WDR70: variants seen among roughly 807,000 people sequenced by gnomAD.
WDR70 encodes the protein WD repeat domain 70.
Under a neutral mutation model 88.6 loss-of-function variants are expected in WDR70, and 53 were observed. The observed-to-expected ratio is 0.60, with a 90% confidence interval of 0.48 to 0.75. The LOEUF is 0.75. WDR70 is among the 30% of genes least tolerant of loss of function. The pLI, the probability that WDR70 is intolerant of heterozygous loss-of-function variation, is 0.00. For missense variants in WDR70, 610 were observed against 823.2 expected, an observed-to-expected ratio of 0.74 and a Z score of 3.17; for synonymous variants, 280 against 270.0, an observed-to-expected ratio of 1.04 and a Z score of -0.36.
chr5:37,379,335 C>G lies in WDR70; in HGVS notation c.-33C>G, dbSNP rs753841669. 1.2e-6 allele frequency: 2 copies of G among 1,613,286 alleles called. No individual in the cohort carries two copies. The highest frequency in any genetic ancestry group is 1.1e-5 in the South Asian group (1 of 91,044). ...GTTCCCCTGCAGTTGTTTGGGCTGT[C>G]CCTGTGGCTGGTTCTGGGGTGTGCG... On this transcript the variant is annotated 5_prime_UTR_variant, in exon 1 of 18. Coordinates refer to ENST00000265107, the MANE Select transcript of WDR70 (RefSeq NM_018034.4).
At chr5:37,577,447 G>C (rs1035318826) in intron 9 of WDR70, among the ~76,000 whole-genome samples, 3 of 152,068 alleles carry the variant, frequency 2.0e-5, no homozygotes, top group African/African-American at 7.2e-5. Flanking sequence ...ATGCACTCCA[G>C]CTTGGGTGAC....
At chr5:37,436,440 A>G (rs1368368309) in intron 5 of WDR70, among the ~76,000 whole-genome samples, 1 of 152,130 alleles carries the variant, frequency 6.6e-6, no homozygotes, top group Non-Finnish European at 1.5e-5. Context: ...CTTTTTCTGT[A>G]GGCTATTTCC....
intron 6 of WDR70, among the ~76,000 whole-genome samples, chr5:37,441,127 T>C (rs1202512150): frequency 6.6e-6 from 1 of 152,188 alleles, no homozygotes; most frequent in Non-Finnish European, 1.5e-5. Flanking sequence ...GGAGGAGAAA[T>C]AACTTTTAAA....
chr5:37,396,057 T>C (rs370904740), intron 4 of WDR70, among the ~76,000 whole-genome samples: 1 of 152,310 alleles, frequency 6.6e-6, no homozygotes, highest in East Asian at 1.9e-4. Context: ...CCTTGGTCCC[T>C]GAAAGTGCTG....
intron 5 of WDR70, among the ~76,000 whole-genome samples, chr5:37,413,110 A>G (rs1749574997): frequency 6.6e-6 from 1 of 152,186 alleles, no homozygotes; most frequent in Non-Finnish European, 1.5e-5. Context: ...CTGCAAGGTT[A>G]TGTCAGCAGA....
At chr5:37,615,853 C>G (rs985878899) in intron 10 of WDR70, among the ~76,000 whole-genome samples, 13 of 152,190 alleles carry the variant, frequency 8.5e-5, no homozygotes, top group African/African-American at 3.1e-4. Context: ...TAGTGTTTCT[C>G]ACACTCACTC....
At chr5:37,669,202 T>C (rs1462891991) in intron 10 of WDR70, among the ~76,000 whole-genome samples, 2 of 152,154 alleles carry the variant, frequency 1.3e-5, no homozygotes, top group South Asian at 2.1e-4. Context: ...TCTCAGTAAA[T>C]GTTGTTGACA....
At position 37,486,703 on chromosome 5, in the gene WDR70, G is replaced by C. The variant is rs556828948; in HGVS notation, c.840+6716G>C. Among the ~76,000 whole-genome samples, 8 of 151,742 alleles carry C rather than the reference G, an allele frequency of 5.3e-5. No homozygotes were observed. In the East Asian group the frequency reaches 5.8e-4, roughly 11 times the overall value. ...TGAGATGGTATGCCATTGTGGTTTTGATTTGCATTTCTCTAATGATCAGTG... is the reference window on the plus strand; with the variant it reads ...TGAGATGGTATGCCATTGTGGTTTTCATTTGCATTTCTCTAATGATCAGTG... On this transcript the variant is annotated intron_variant, in intron 8 of 17. Transcript: ENST00000265107.
intron 10 of WDR70, among the ~76,000 whole-genome samples, chr5:37,610,765 G>C (rs553196811): frequency 5.9e-5 from 9 of 152,176 alleles, no homozygotes; most frequent in Non-Finnish European, 1.3e-4. Flanking sequence ...AGGGAAGGCA[G>C]AGGTCAGGTG....
intron 10 of WDR70, among the ~76,000 whole-genome samples, chr5:37,621,305 TA>T (rs1170637776): frequency 6.6e-6 from 1 of 152,142 alleles, no homozygotes; most frequent in East Asian, 1.9e-4. Context: ...TCCAAATAAT[TA>T]AAAAATTTGA....
At chr5:37,625,834 A>G (rs1354392621) in intron 10 of WDR70, among the ~76,000 whole-genome samples, 2 of 151,960 alleles carry the variant, frequency 1.3e-5, no homozygotes, top group African/African-American at 4.8e-5. Context: ...CAGCCTGCCC[A>G]TATTTTAATT....
chr5:37,617,780 TTTCA>T (rs1213328953), intron 10 of WDR70, among the ~76,000 whole-genome samples: 5 of 152,228 alleles, frequency 3.3e-5, no homozygotes, highest in Non-Finnish European at 7.3e-5. Context: ...AAATCCTAGC[TTTCA>T]TAGTCTAATT....
At chr5:37,471,832 A>T (rs1035717933) in intron 7 of WDR70, among the ~76,000 whole-genome samples, 1 of 151,892 alleles carries the variant, frequency 6.6e-6, no homozygotes, top group Non-Finnish European at 1.5e-5. Context: ...TGTCAAATTG[A>T]CTCCGCATCA....
chr5:37,413,532 C>T (rs1296273996), intron 5 of WDR70, among the ~76,000 whole-genome samples: 3 of 151,364 alleles, frequency 2.0e-5, no homozygotes, highest in Non-Finnish European at 1.5e-5. Context: ...ACCATCCTGG[C>T]GAATATGGTG....
chr5:37,564,417 C>G (rs1742669845), intron 9 of WDR70, among the ~76,000 whole-genome samples: 3 of 152,036 alleles, frequency 2.0e-5, no homozygotes. Context: ...ATCGCAGGCA[C>G]TGGGCAGGCT....
chr5:37,673,989 G>A (rs1746115583), intron 10 of WDR70, among the ~76,000 whole-genome samples: 2 of 152,106 alleles, frequency 1.3e-5, no homozygotes. Flanking sequence ...TGGTGTGTAT[G>A]TACCACGTTT....
rs1561080925 is a variant in WDR70, at chr5:37,702,935, CT to C, written c.1278-7del. On this transcript the variant is annotated splice_polypyrimidine_tract_variant and intron_variant, in intron 12 of 17. Coordinates refer to ENST00000265107, the MANE Select transcript of WDR70 (RefSeq NM_018034.4). The stretch of plus-strand genomic sequence containing the variant: ...GGTCATAAGCTTATACTCGTAAACT[CT>C]TTTTTTCTGTAGGACTGACTGCTGT... The C allele has an allele frequency of 2.5e-6, 4 of 1,596,556 alleles. No individual in the cohort carries two copies. The highest frequency in any genetic ancestry group is 1.1e-5 in the South Asian group (1 of 90,498).
At chr5:37,443,010 A>G (rs1750701845) in intron 6 of WDR70, among the ~76,000 whole-genome samples, 1 of 152,230 alleles carries the variant, frequency 6.6e-6, no homozygotes, top group Admixed American at 6.5e-5. Flanking sequence ...AAAATTGTCA[A>G]ATAGATTTAA....
intron 9 of WDR70, 143 bp from the exon 10 acceptor site, chr5:37,604,921 G>A (rs951331515): frequency 1.5e-6 from 1 of 662,432 alleles, no homozygotes; most frequent in African/African-American, 1.9e-5. Context: ...CTTTTACAGT[G>A]CATGTCTTAT....
Sources: allele counts gnomAD v4.1 joint callset (sites outside exome capture counted in the v4.1 genomes callset), GRCh38; gene constraint gnomAD v4.1.1; transcripts MANE v1.5; gene names NCBI Gene and HGNC (gene_info 2026-07-23, HGNC 2026-07-21).